Variants in SGMS2 observed in about 807,000 individuals in gnomAD.
The protein encoded by SGMS2 is phosphatidylcholine:ceramide cholinephosphotransferase 2.
A neutral mutation model predicts 43.8 loss-of-function variants in SGMS2; 21 were observed. That is an observed-to-expected ratio of 0.48 (90% CI 0.34 to 0.69). The LOEUF (loss-of-function observed/expected upper bound fraction) is 0.69. Ranked by LOEUF, SGMS2 falls within the 30% of genes least tolerant of loss-of-function variation. The probability of loss-of-function intolerance (pLI) is 0.01; values close to 1 mark genes in which losing one functional copy is unlikely to be tolerated. For missense variants in SGMS2, 384 were observed against 443.2 expected (o/e 0.87, Z 1.20); for synonymous variants, 167 against 160.6 (o/e 1.04, Z -0.30).
chr4:107,853,275 G>A (rs1021835522), intron 1 of SGMS2, among the ~76,000 whole-genome samples: 8 of 152,086 alleles, frequency 5.3e-5, no homozygotes, highest in Non-Finnish European at 1.0e-4. Context: ...AAAAAGTCCT[G>A]TTTCTTGGAT....
intron 2 of SGMS2, among the ~76,000 whole-genome samples, chr4:107,859,610 C>T (rs1727615617): frequency 6.6e-6 from 1 of 152,164 alleles, no homozygotes; most frequent in Admixed American, 6.5e-5. Context: ...CAAATACTTA[C>T]TGAACGCTTT....
intron 6 of SGMS2, 70 bp downstream of exon 6, chr4:107,908,801 G>A: frequency 1.4e-6 from 2 of 1,397,934 alleles, no homozygotes; most frequent in Non-Finnish European, 2.0e-6. Flanking sequence ...ATGTCGTGGG[G>A]TTTTAGATAG....
intron 1 of SGMS2, among the ~76,000 whole-genome samples, chr4:107,841,793 G>A (rs1726524260): frequency 6.6e-6 from 1 of 151,892 alleles, no homozygotes; most frequent in Admixed American, 6.6e-5. Flanking sequence ...GGACTACCAT[G>A]CATGCCACCA....
intron 1 of SGMS2, among the ~76,000 whole-genome samples, chr4:107,834,421 G>A (rs1043125998): frequency 2.0e-5 from 3 of 152,150 alleles, no homozygotes; most frequent in South Asian, 2.1e-4. Flanking sequence ...TTTTTTGTCA[G>A]AGTTGCCTAA....
intron 1 of SGMS2, among the ~76,000 whole-genome samples, chr4:107,827,797 C>T (rs1375689284): frequency 6.6e-6 from 1 of 151,920 alleles, no homozygotes; most frequent in East Asian, 1.9e-4. Flanking sequence ...AGCAGCCTGG[C>T]CAATATGGTA....
intron 2 of SGMS2, among the ~76,000 whole-genome samples, chr4:107,859,911 A>C (rs1270705072): frequency 6.6e-6 from 1 of 152,212 alleles, no homozygotes; most frequent in Non-Finnish European, 1.5e-5. Flanking sequence ...TAAACCAAAA[A>C]AAGGTGCTAG....
chr4:107,867,763 G>GAA (rs1297251091), intron 2 of SGMS2: 30 of 152,190 alleles, frequency 2.0e-4, no homozygotes, highest in African/African-American at 6.8e-4. Flanking sequence ...ATGAGTGTTA[G>GAA]CTATAGCTCT....
chr4:107,870,078 C>G (rs775300745), intron 2 of SGMS2, among the ~76,000 whole-genome samples: 10 of 152,306 alleles, frequency 6.6e-5, no homozygotes, highest in Non-Finnish European at 1.3e-4. Context: ...TTTCTCAATA[C>G]TTTTACGTTG....
intron 2 of SGMS2, chr4:107,866,760 A>G (rs1728160135): frequency 6.6e-6 from 1 of 152,034 alleles, no homozygotes. Flanking sequence ...ACCTTTTTAA[A>G]CTTTCTTTGG....
chr4:107,876,701 G>A (rs1442546339), intron 2 of SGMS2, among the ~76,000 whole-genome samples: 1 of 152,088 alleles, frequency 6.6e-6, no homozygotes, highest in East Asian at 1.9e-4. Flanking sequence ...GAGTTATAAA[G>A]TTATTTTCAG....
chr4:107,850,489 G>A (rs776379994), intron 1 of SGMS2, among the ~76,000 whole-genome samples: 10 of 152,248 alleles, frequency 6.6e-5, no homozygotes, highest in Non-Finnish European at 1.0e-4. Context: ...ATGGAGGTAA[G>A]GGAAAACCTC....
intron 2 of SGMS2, among the ~76,000 whole-genome samples, chr4:107,871,858 T>C (rs1728579145): frequency 6.6e-6 from 1 of 152,338 alleles, no homozygotes; most frequent in South Asian, 2.1e-4. Flanking sequence ...CACATAATGC[T>C]TTTGTTTTTA....
chr4:107,895,693 G>A lies in SGMS2; in HGVS notation c.140G>A (p.Ser47Asn). The A allele has an allele frequency of 1.2e-6, 2 of 1,613,986 alleles. No individual in the cohort carries two copies. Among genetic ancestry groups the A allele is most frequent in the Non-Finnish European group, 1.7e-6 (2 of 1,179,960 alleles). The stretch of plus-strand genomic sequence containing the variant: ...AATGGTAAACCCAAGAGCTTATCCA[G>A]TGGGCTGCGAAAAGGCACCAAAAAG... ...NGNGKPKSLS[S>N]GLRKGTKKYP... The change falls in exon 3 of 7, where the codon AGT becomes AAT. Residue 47 changes from serine to asparagine, a missense_variant. Physicochemically the swap from Ser to Asn is conservative, Grantham distance 46 (BLOSUM62 1). Transcript: ENST00000690982.
intron 2 of SGMS2, among the ~76,000 whole-genome samples, chr4:107,884,935 G>C (rs1283726732): frequency 6.6e-6 from 1 of 152,102 alleles, no homozygotes; most frequent in Non-Finnish European, 1.5e-5. Flanking sequence ...ACCTATCTCA[G>C]GTTTTCAGGG....
chr4:107,831,763 T>TA (rs1442502632), intron 1 of SGMS2, among the ~76,000 whole-genome samples: 1 of 152,192 alleles, frequency 6.6e-6, no homozygotes, highest in Admixed American at 6.5e-5. Flanking sequence ...CCTTTGGGGT[T>TA]AAAATAAAAT....
intron 1 of SGMS2, among the ~76,000 whole-genome samples, chr4:107,836,349 C>T (rs898399912): frequency 1.3e-5 from 2 of 152,196 alleles, no homozygotes; most frequent in African/African-American, 4.8e-5. Context: ...TGAATTATAT[C>T]ATGGAGTTAC....
At chr4:107,858,129 G>A (rs999884360) in intron 1 of SGMS2, among the ~76,000 whole-genome samples, 1 of 151,824 alleles carries the variant, frequency 6.6e-6, no homozygotes, top group South Asian at 2.1e-4. Flanking sequence ...ACTTTTTTGA[G>A]TGACATTGAC....
chr4:107,839,545 T>C (rs1406766210), intron 1 of SGMS2, among the ~76,000 whole-genome samples: 5 of 152,166 alleles, frequency 3.3e-5, no homozygotes, highest in Non-Finnish European at 7.3e-5. Context: ...GTTATAAATC[T>C]TGTTTTTGTG....
rs150730372 is a variant in SGMS2, at chr4:107,889,298, C to G, written c.-244-6012C>G. ...GGCTAGGTTCATAGTTTTATAACCC[C>G]CATGTCAAATTTTGACACCTTATAG... On this transcript the variant is annotated intron_variant, in intron 2 of 6. Transcript: ENST00000690982. 5.0e-3 allele frequency among the ~76,000 whole-genome samples: 767 copies of G among 152,226 alleles called. 1 individual carries two copies. The highest frequency in any genetic ancestry group is 8.3e-3 in the Non-Finnish European group (564 of 68,006).
Sources: gnomAD v4.1 joint callset for allele counts (sites outside exome capture counted in the v4.1 genomes callset) on GRCh38, gnomAD v4.1.1 for gene constraint, MANE v1.5 for transcripts, NCBI Gene and HGNC (gene_info 2026-07-23, HGNC 2026-07-21) for gene names.